FOXP2: variants seen among roughly 807,000 people sequenced by gnomAD.
The protein encoded by FOXP2 is forkhead box protein P2.
In FOXP2, 12 loss-of-function variants were observed where a neutral mutation model predicts 115.8. That is an observed-to-expected ratio of 0.10 (90% CI 0.07 to 0.17). FOXP2 has a LOEUF of 0.17. Among genes scored for constraint, FOXP2 ranks in the 10% least tolerant of loss-of-function variants. The probability of loss-of-function intolerance (pLI) is 1.00; values close to 1 mark genes in which losing one functional copy is unlikely to be tolerated. For missense variants in FOXP2, 629 were observed against 843.5 expected, an observed-to-expected ratio of 0.75 and a Z score of 3.15; for synonymous variants, 328 against 297.7, an observed-to-expected ratio of 1.10 and a Z score of -1.05.
chr7:114,308,686 G>A (rs1448856064), intron 2 of FOXP2, among the ~76,000 whole-genome samples: 2 of 152,176 alleles, frequency 1.3e-5, no homozygotes, highest in Non-Finnish European at 2.9e-5. Flanking sequence ...AGCATGGACT[G>A]TTCATCAATT....
At chr7:114,478,372 G>A (rs907086487) in intron 2 of FOXP2, among the ~76,000 whole-genome samples, 3 of 151,694 alleles carry the variant, frequency 2.0e-5, no homozygotes, top group African/African-American at 7.3e-5. Context: ...TAACTTATGA[G>A]TATAAGAAAC....
chr7:114,203,720 C>T (rs1220772103), intron 1 of FOXP2, among the ~76,000 whole-genome samples: 1 of 152,172 alleles, frequency 6.6e-6, no homozygotes, highest in South Asian at 2.1e-4. Context: ...TTCTTTTCTC[C>T]TTTCTACTGT....
At chr7:114,502,236 T>C (rs1037070846) in intron 2 of FOXP2, among the ~76,000 whole-genome samples, 3 of 152,120 alleles carry the variant, frequency 2.0e-5, no homozygotes, top group African/African-American at 7.2e-5. Flanking sequence ...AAAGGAAATT[T>C]TGTTCTTTTA....
intron 1 of FOXP2, among the ~76,000 whole-genome samples, chr7:114,092,944 G>T (rs1009350127): frequency 6.6e-6 from 1 of 152,068 alleles, no homozygotes; most frequent in Admixed American, 6.6e-5. Flanking sequence ...AATCTGGCCA[G>T]ATACACCATC....
chr7:114,418,393 CTG>C (rs912467384), intron 1 of FOXP2, among the ~76,000 whole-genome samples: 1 of 151,904 alleles, frequency 6.6e-6, no homozygotes, highest in Non-Finnish European at 1.5e-5. Context: ...AGCTATGTCT[CTG>C]TATTACTTCG....
chr7:114,398,843 G>A (rs754951437), intron 2 of FOXP2, among the ~76,000 whole-genome samples: 18 of 152,198 alleles, frequency 1.2e-4, no homozygotes, highest in Non-Finnish European at 2.2e-4. Context: ...AAATTAAGAT[G>A]AAAGTAGTAG....
chr7:114,142,378 G>T (rs1276144835), intron 1 of FOXP2, among the ~76,000 whole-genome samples: 1 of 152,054 alleles, frequency 6.6e-6, no homozygotes, highest in African/African-American at 2.4e-5. Flanking sequence ...AAATATTTTA[G>T]AAGCACTATT....
chr7:114,453,187 A>G (rs1299108880), intron 2 of FOXP2, among the ~76,000 whole-genome samples: 1 of 152,128 alleles, frequency 6.6e-6, no homozygotes, highest in African/African-American at 2.4e-5. Context: ...ATATTGGAGA[A>G]CATCTATTCC....
intron 2 of FOXP2, among the ~76,000 whole-genome samples, chr7:114,525,856 A>C (rs1798830321): frequency 2.6e-5 from 4 of 152,094 alleles, no homozygotes; most frequent in Non-Finnish European, 5.9e-5. Flanking sequence ...CCATGCCTGT[A>C]ATCCCAGCAC....
chr7:114,587,368 C>G (rs1802193990), intron 3 of FOXP2, among the ~76,000 whole-genome samples: 1 of 152,092 alleles, frequency 6.6e-6, no homozygotes, highest in African/African-American at 2.4e-5. Flanking sequence ...GTTTGGTTTT[C>G]TGTTCCTATG....
At chr7:114,192,754 C>T (rs977450692) in intron 1 of FOXP2, among the ~76,000 whole-genome samples, 2 of 152,068 alleles carry the variant, frequency 1.3e-5, no homozygotes, top group African/African-American at 4.8e-5. Flanking sequence ...GTTGCATTGG[C>T]CCTAACATTT....
chr7:114,235,769 C>T (rs1794992681), intron 1 of FOXP2, among the ~76,000 whole-genome samples: 3 of 152,186 alleles, frequency 2.0e-5, no homozygotes, highest in African/African-American at 7.2e-5. Flanking sequence ...GCTGGTGGGA[C>T]TCTTACCTCA....
chr7:114,649,156 T>C (rs1025170583), intron 8 of FOXP2, among the ~76,000 whole-genome samples: 1 of 152,098 alleles, frequency 6.6e-6, no homozygotes, highest in African/African-American at 2.4e-5. Flanking sequence ...TATTGTTGGC[T>C]AGTATGAAGC....
chr7:114,247,509 C>A (rs960219368), intron 1 of FOXP2, among the ~76,000 whole-genome samples: 4 of 151,960 alleles, frequency 2.6e-5, no homozygotes, highest in Non-Finnish European at 5.9e-5. Flanking sequence ...TTTTATGTCC[C>A]TTGTGTTACT....
At chr7:114,286,391 G>A (rs1163062932) in intron 1 of FOXP2, among the ~76,000 whole-genome samples, 3 of 151,948 alleles carry the variant, frequency 2.0e-5, no homozygotes, top group Non-Finnish European at 4.4e-5. Flanking sequence ...AAATGAGTTT[G>A]TGGATTTTCT....
At chr7:114,442,638 G>A (rs141278741) in intron 2 of FOXP2, among the ~76,000 whole-genome samples, 31 of 152,126 alleles carry the variant, frequency 2.0e-4, no homozygotes, top group Non-Finnish European at 3.5e-4. Context: ...ATTTTTAGTA[G>A]AGATGGGGTT....
chr7:114,505,869 T>C (rs898946045), intron 2 of FOXP2, among the ~76,000 whole-genome samples: 1 of 151,702 alleles, frequency 6.6e-6, no homozygotes, highest in Non-Finnish European at 1.5e-5. Context: ...ACCTGCTGTA[T>C]ATTTCTATGC....
At chr7:114,240,505 AT>A (rs898394729) in intron 1 of FOXP2, among the ~76,000 whole-genome samples, 15 of 151,878 alleles carry the variant, frequency 9.9e-5, no homozygotes, top group African/African-American at 3.6e-4. Flanking sequence ...GTTTTGTTAT[AT>A]GTTTTTTGTT....
intron 1 of FOXP2, among the ~76,000 whole-genome samples, chr7:114,149,419 C>A (rs1266237651): frequency 6.6e-6 from 1 of 152,018 alleles, no homozygotes; most frequent in East Asian, 1.9e-4. Context: ...AAAGCTGTTA[C>A]ATGGTTTCAC....
Sources: allele counts gnomAD v4.1 joint callset (sites outside exome capture counted in the v4.1 genomes callset), GRCh38; gene constraint gnomAD v4.1.1; transcripts MANE v1.5; gene names NCBI Gene and HGNC (gene_info 2026-07-23, HGNC 2026-07-21).